STXBP5: variants seen among roughly 807,000 people sequenced by gnomAD.
STXBP5 encodes the protein syntaxin binding protein 5.
Under a neutral mutation model 152.4 loss-of-function variants are expected in STXBP5, and 50 were observed. The observed-to-expected ratio is 0.33, with a 90% CI of 0.26 to 0.42. STXBP5 has a LOEUF of 0.42. STXBP5 is among the 10% of genes least tolerant of loss of function. The pLI, the probability that STXBP5 is intolerant of heterozygous loss-of-function variation, is 1.00. For missense variants in STXBP5, 1,167 were observed against 1,388.6 expected, an observed-to-expected ratio of 0.84 and a Z score of 2.54; for synonymous variants, 492 against 494.7, an observed-to-expected ratio of 0.99 and a Z score of 0.07.
rs1014900891 is a variant in STXBP5 at position 147,226,432 on chromosome 6, C to T, written c.249-8818C>T. Among the ~76,000 whole-genome samples, 22 of 152,168 alleles carry T rather than the reference C, an allele frequency of 1.4e-4. No homozygotes were observed. The East Asian group carries it at 1.7e-3, about 12-fold the overall frequency. On this transcript the variant is annotated intron_variant, in intron 2 of 27. Coordinates refer to ENST00000321680, the MANE Select transcript of STXBP5 (RefSeq NM_001127715.4). Reference sequence around the variant, plus strand: ...TGGGAGTAAAAAGAGCAGATTACCACGTTCCTATTACCTGAGACTGTTTGA... The same window carrying T: ...TGGGAGTAAAAAGAGCAGATTACCATGTTCCTATTACCTGAGACTGTTTGA...
At chr6:147,270,827 A>G (rs137870956) in intron 7 of STXBP5, among the ~76,000 whole-genome samples, 139 of 152,316 alleles carry the variant, frequency 9.1e-4, no homozygotes, top group Non-Finnish European at 9.6e-4. Flanking sequence ...CAAACAGACA[A>G]CAATAGCACA....
At chr6:147,219,479 T>TAGAAACTTGTTATAATTCACCA (rs2115077744) in intron 2 of STXBP5, among the ~76,000 whole-genome samples, 1 of 152,300 alleles carries the variant, frequency 6.6e-6, no homozygotes, top group African/African-American at 2.4e-5. Flanking sequence ...TGAAAGAGAC[T>TAGAAACTTGTTATAATTCACCA]AGAAACTTGT....
intron 5 of STXBP5, among the ~76,000 whole-genome samples, 170 bp from the exon 6 acceptor site, chr6:147,262,120 C>G (rs942062588): frequency 6.6e-6 from 1 of 151,908 alleles, no homozygotes; most frequent in African/African-American, 2.4e-5. Context: ...TCCCTGATCC[C>G]TATTTTGATC....
intron 21 of STXBP5, among the ~76,000 whole-genome samples, chr6:147,350,366 A>T: frequency 6.6e-6 from 1 of 152,060 alleles, no homozygotes; most frequent in Admixed American, 6.6e-5. Context: ...TCAGAAGGAA[A>T]TTTTCTGCTG....
Position 147,325,011 on chromosome 6 carries a change from A to G in STXBP5, c.1855A>G (p.Ile619Val). 6.3e-7 allele frequency: 1 copy of G among 1,598,436 alleles called. No homozygotes were observed. The highest frequency in any genetic ancestry group is 1.7e-5 in the Admixed American group (1 of 58,996). The change falls in exon 17 of 28, where the codon ATT becomes GTT. Residue 619 changes from isoleucine to valine, a missense_variant. Coordinates refer to ENST00000321680, the MANE Select transcript of STXBP5 (RefSeq NM_001127715.4). ...TCCAGGTTATCAAACAGAACTAGTTATTCAGTTGGTTTGGGTGGGTGGAGA... is the reference window on the plus strand; with the variant it reads ...TCCAGGTTATCAAACAGAACTAGTTGTTCAGTTGGTTTGGGTGGGTGGAGA... ...QSPGYQTELV[I>V]QLVWVGGEPP...
Position 147,327,145 on chromosome 6 carries a change from A to G in STXBP5, c.1949A>G (p.Asn650Ser), listed in dbSNP as rs751269588. ...CCCAGGGTGGTTTTTGGCAATTGCA[A>G]TGGCATTGCTATGGTTGACTACCTC... ...SYGLVVFGNC[N>S]GIAMVDYLQK... Residue 650 changes from asparagine to serine, a missense_variant, in exon 18 of 28, where the codon AAT becomes AGT. Physicochemically the swap from Asn to Ser is conservative, Grantham distance 46 (BLOSUM62 1). This residue lies in a region of STXBP5 where 833 missense variants were observed against 986.3 expected (regional missense o/e 0.84). Coordinates refer to ENST00000321680, the MANE Select transcript of STXBP5 (RefSeq NM_001127715.4). 1.9e-5 allele frequency: 31 copies of G among 1,607,316 alleles called. No homozygotes were observed. Among genetic ancestry groups the G allele is most frequent in the Middle Eastern group, 1.7e-4 (1 of 6,038 alleles).
rs182663729 is a variant in STXBP5, at chr6:147,328,639, C to T, written c.2080+1363C>T. ...CTTCAGCAGAGATTGTTGTCCCAAC[C>T]ATACCATTCTAGTATTTTTGTCTCC... On this transcript the variant is annotated intron_variant, in intron 18 of 27. Transcript: ENST00000321680. The T allele has an allele frequency of 1.1e-5, 5 of 455,710 alleles. No individual in the cohort carries two copies. In the East Asian group the frequency reaches 2.8e-4, roughly 26 times the overall value. The allele number at this position is 455,710 out of a possible 1,614,324, so 28.2% of individuals were successfully genotyped here. A position where few individuals can be genotyped will look rare whatever the true frequency, so the allele number is the denominator to read the frequency against.
chr6:147,363,795 G>A (rs1259818267), intron 24 of STXBP5, 91 bp downstream of exon 24: 2 of 1,494,790 alleles, frequency 1.3e-6, no homozygotes, highest in East Asian at 4.5e-5. Context: ...CTTTTTGTGT[G>A]TGTATAGTCT....
intron 4 of STXBP5, among the ~76,000 whole-genome samples, chr6:147,248,369 A>C (rs1481309716): frequency 1.3e-5 from 2 of 152,172 alleles, no homozygotes; most frequent in African/African-American, 4.8e-5. Context: ...CTTACATTAA[A>C]GTAGAGATGC....
intron 2 of STXBP5, among the ~76,000 whole-genome samples, chr6:147,218,619 C>T (rs1037446669): frequency 2.0e-5 from 3 of 152,000 alleles, no homozygotes; most frequent in Non-Finnish European, 4.4e-5. Context: ...TAACTGGGAC[C>T]ACAGGTGCAC....
chr6:147,262,340 T>A lies in STXBP5; in HGVS notation c.617T>A (p.Met206Lys), dbSNP rs1370070070. The change falls in exon 6 of 28, where the codon ATG becomes AAG. Residue 206 changes from methionine to lysine, a missense_variant. Physicochemically the swap from Met to Lys is moderately conservative, Grantham distance 95 (BLOSUM62 -1). Around this residue, in one of 3 missense-constraint regions of STXBP5, gnomAD observed 310 missense variants for 346.1 expected, o/e 0.90. Transcript: ENST00000321680. ...GTGGTCCATATAAGTGATAATCCAA[T>A]GGACGAGGGAAAGGTAGAATTTTTT... The part of the protein sequence containing the change: ...GPVVHISDNP[M>K]DEGKLLIGFE... The A allele has an allele frequency of 3.2e-6, 5 of 1,565,670 alleles. No homozygotes were observed. In the South Asian group the frequency reaches 6.2e-5, roughly 19 times the overall value.
intron 7 of STXBP5, among the ~76,000 whole-genome samples, chr6:147,274,999 T>G (rs1305102906): frequency 3.3e-5 from 5 of 152,170 alleles, no homozygotes; most frequent in Non-Finnish European, 7.4e-5. Context: ...TTATTCAGTT[T>G]CCATACAATT....
chr6:147,214,177 G>T (rs1777041521), intron 2 of STXBP5, among the ~76,000 whole-genome samples: 2 of 152,088 alleles, frequency 1.3e-5, no homozygotes, highest in South Asian at 4.1e-4. Context: ...ACGCATTTCT[G>T]ATGTTTATTA....
chr6:147,266,843 T>C (rs888491939), intron 6 of STXBP5, among the ~76,000 whole-genome samples: 2 of 152,140 alleles, frequency 1.3e-5, no homozygotes, highest in African/African-American at 4.8e-5. Flanking sequence ...AAAATGGTAC[T>C]GTTTTTGTTT....
chr6:147,310,761 G>A (rs1305692735), intron 10 of STXBP5, among the ~76,000 whole-genome samples: 1 of 152,076 alleles, frequency 6.6e-6, no homozygotes, highest in Non-Finnish European at 1.5e-5. Context: ...CTCAGTTTGT[G>A]CTTTTAAGAC....
chr6:147,326,955 T>C (rs549632846), intron 17 of STXBP5, among the ~76,000 whole-genome samples, 170 bp from the exon 18 acceptor site: 66 of 152,348 alleles, frequency 4.3e-4, no homozygotes, highest in African/African-American at 1.5e-3. Context: ...ATCTAAACAG[T>C]TCCGTGAGTA....
At chr6:147,257,043 T>C (rs954922285) in intron 4 of STXBP5, among the ~76,000 whole-genome samples, 4 of 152,190 alleles carry the variant, frequency 2.6e-5, no homozygotes, top group East Asian at 1.9e-4. Flanking sequence ...TATGTGTTAC[T>C]CCCTAGTACT....
At chr6:147,239,322 C>G in intron 4 of STXBP5, 52 bp downstream of exon 4, 1 of 1,515,470 alleles carries the variant, frequency 6.6e-7, no homozygotes. Flanking sequence ...ATTATATTTT[C>G]TTGAATTTCA....
At chr6:147,341,258 A>G (rs1197849052) in intron 21 of STXBP5, among the ~76,000 whole-genome samples, 1 of 152,182 alleles carries the variant, frequency 6.6e-6, no homozygotes, top group Admixed American at 6.5e-5. Context: ...TTAGCATAAA[A>G]TATGCTATTG....
Sources: gnomAD v4.1 joint callset for allele counts (sites outside exome capture counted in the v4.1 genomes callset) on GRCh38, gnomAD v4.1.1 for gene constraint, gnomAD v4.1.1 regional missense constraint, MANE v1.5 for transcripts, NCBI Gene and HGNC (gene_info 2026-07-23, HGNC 2026-07-21) for gene names.